The following DNM3 variants were observed in gnomAD, a reference collection of about 807,000 sequenced individuals.
The protein encoded by DNM3 is dynamin-3.
A neutral mutation model predicts 101.6 loss-of-function variants in DNM3; 47 were observed. The observed-to-expected ratio is 0.46, with a 90% CI of 0.37 to 0.59. The LOEUF (loss-of-function observed/expected upper bound fraction) is 0.59. Ranked by LOEUF, DNM3 falls within the 20% of genes least tolerant of loss-of-function variation. The pLI, the probability that DNM3 is intolerant of heterozygous loss-of-function variation, is 0.00. For synonymous variants in DNM3, 385 were observed against 387.9 expected (o/e 0.99, Z 0.09); for missense variants, 849 against 1,085.7 (o/e 0.78, Z 3.06).
chr1:172,127,385 CTTATTATTATTATTA>C (rs60339425), intron 13 of DNM3, among the ~76,000 whole-genome samples: 225 of 137,672 alleles, frequency 1.6e-3, no homozygotes, highest in African/African-American at 5.4e-3. Flanking sequence ...TTACTCTCTA[CTTATTATTATTATTA>C]TTATTATTAT....
At chr1:172,325,200 C>T (rs913142738) in intron 17 of DNM3, among the ~76,000 whole-genome samples, 1 of 152,084 alleles carries the variant, frequency 6.6e-6, no homozygotes, top group Non-Finnish European at 1.5e-5. Context: ...TTTAAAATTA[C>T]GGCTCATTAA....
intron 4 of DNM3, among the ~76,000 whole-genome samples, chr1:172,022,639 C>T (rs1348190304): frequency 6.6e-6 from 1 of 151,932 alleles, no homozygotes; most frequent in East Asian, 1.9e-4. Flanking sequence ...CCTTGCCCAC[C>T]CCTCCTGACT....
intron 14 of DNM3, among the ~76,000 whole-genome samples, chr1:172,234,610 A>G (rs1289147009): frequency 3.3e-5 from 5 of 152,196 alleles, no homozygotes; most frequent in African/African-American, 9.7e-5. Context: ...AGCTGGAGGC[A>G]TCACGCTACC....
intron 5 of DNM3, 34 bp from the exon 6 acceptor site, chr1:172,033,071 G>C (rs910667121): frequency 3.1e-6 from 5 of 1,601,062 alleles, no homozygotes; most frequent in African/African-American, 2.7e-5. Context: ...CACAAAAAGT[G>C]TCCCCAACTC....
At chr1:171,864,000 T>C (rs1369339588) in intron 1 of DNM3, among the ~76,000 whole-genome samples, 1 of 152,242 alleles carries the variant, frequency 6.6e-6, no homozygotes, top group Non-Finnish European at 1.5e-5. Context: ...TTAAAACTTA[T>C]GTGGCTTTCT....
intron 4 of DNM3, among the ~76,000 whole-genome samples, chr1:172,002,493 G>A (rs148046986): frequency 5.3e-5 from 8 of 152,162 alleles, no homozygotes; most frequent in Non-Finnish European, 2.9e-5. Context: ...GCTAAGTCAT[G>A]TTATAATTCA....
chr1:172,232,426 T>A (rs1380264581), intron 14 of DNM3, among the ~76,000 whole-genome samples: 2 of 151,942 alleles, frequency 1.3e-5, no homozygotes, highest in Non-Finnish European at 2.9e-5. Context: ...TAGACTCCCA[T>A]ACAATAATAA....
intron 6 of DNM3, 141 bp downstream of exon 6, chr1:172,033,406 A>G: frequency 1.1e-6 from 1 of 943,238 alleles, no homozygotes; most frequent in Non-Finnish European, 1.5e-6. Flanking sequence ...AAAAATGAAT[A>G]TTAGTACCTC....
rs574447738 is a variant in DNM3 at position 172,240,156 on chromosome 1, A to G, written c.1660-13417A>G. ...TCAAAGAAACTATGTTCCTCTCAGA[A>G]TACACCTCACAGAATCACGTTACTG... On this transcript the variant is annotated intron_variant, in intron 14 of 20. Transcript: ENST00000627582. Among the ~76,000 whole-genome samples the G allele has an allele frequency of 3.3e-5, 5 of 152,238 alleles. No homozygotes were observed. In the South Asian group the frequency reaches 1.0e-3, roughly 32 times the overall value.
At chr1:172,391,245 A>G (rs2069511491) in intron 20 of DNM3, among the ~76,000 whole-genome samples, 1 of 152,128 alleles carries the variant, frequency 6.6e-6, no homozygotes, top group Non-Finnish European at 1.5e-5. Context: ...ATGAAAGTAC[A>G]GGGTAAAAGA....
intron 15 of DNM3, among the ~76,000 whole-genome samples, chr1:172,292,866 C>T (rs1386692895): frequency 2.6e-5 from 4 of 152,088 alleles, no homozygotes; most frequent in Admixed American, 6.5e-5. Flanking sequence ...GACTAATTAA[C>T]ATATGAAAAA....
downstream of DNM3, among the ~76,000 whole-genome samples, chr1:172,415,535 T>TTG (rs754089142): frequency 2.7e-4 from 33 of 122,742 alleles, 1 homozygote; most frequent in African/African-American, 9.2e-4. Context: ...TTTTTTTTTT[T>TTG]TTTTTTTTTT....
At chr1:171,947,175 C>T (rs1284695373) in intron 2 of DNM3, among the ~76,000 whole-genome samples, 1 of 152,146 alleles carries the variant, frequency 6.6e-6, no homozygotes, top group Non-Finnish European at 1.5e-5. Context: ...GAACAGGGAA[C>T]AGATAGCTAT....
rs1035934896 is a variant in DNM3 at position 172,161,222 on chromosome 1, A to G, written c.1659+29934A>G. 3.3e-5 allele frequency among the ~76,000 whole-genome samples: 5 copies of G among 149,874 alleles called. No individual in the cohort carries two copies. In the Admixed American group the frequency reaches 3.3e-4, roughly 10 times the overall value. ...ATGTATATATTTTATAATAATATAT[A>G]TGATCCAGATACAAAGTGGTGCTTG... On this transcript the variant is annotated intron_variant, in intron 14 of 20. Coordinates refer to ENST00000627582, the MANE Select transcript of DNM3 (RefSeq NM_015569.5).
chr1:172,169,407 G>A (rs1391392706), intron 14 of DNM3, among the ~76,000 whole-genome samples: 2 of 151,898 alleles, frequency 1.3e-5, no homozygotes, highest in Admixed American at 1.3e-4. Flanking sequence ...ATGAAATCAT[G>A]AAGAATCCCA....
At chr1:172,125,725 G>T (rs1442682924) in intron 13 of DNM3, among the ~76,000 whole-genome samples, 1 of 152,140 alleles carries the variant, frequency 6.6e-6, no homozygotes, top group Non-Finnish European at 1.5e-5. Flanking sequence ...TTATGGGTTT[G>T]CTTGTTCTTG....
intron 15 of DNM3, among the ~76,000 whole-genome samples, chr1:172,268,249 T>C (rs1296208983): frequency 4.0e-5 from 6 of 148,754 alleles, no homozygotes; most frequent in Non-Finnish European, 7.4e-5. Flanking sequence ...AGGGGCTGGA[T>C]AGGAATACGT....
In DNM3 at chr1:172,410,517, G is replaced by A. The variant is rs1007748869; in HGVS notation, c.*2676G>A. ...GGTAAATATAGTTTTATTGTCACAT[G>A]CTAAATATTGCATGCATATTGACTA... On this transcript the variant is annotated 3_prime_UTR_variant, in exon 21 of 21. Transcript: ENST00000627582. 4 of 983,590 alleles carry A rather than the reference G, an allele frequency of 4.1e-6. No individual in the cohort carries two copies. In the Admixed American group the frequency reaches 1.8e-4, roughly 45 times the overall value. The allele number at this position is 983,590 out of a possible 1,614,324, so 60.9% of individuals were successfully genotyped here. A position where few individuals can be genotyped will look rare whatever the true frequency, so the allele number is the denominator to read the frequency against.
intron 14 of DNM3, among the ~76,000 whole-genome samples, chr1:172,199,835 T>C (rs2148479706): frequency 6.6e-6 from 1 of 152,270 alleles, no homozygotes; most frequent in South Asian, 2.1e-4. Context: ...GACAGCATAC[T>C]ATTAGTTCTT....
Sources: gnomAD v4.1 joint callset for allele counts (sites outside exome capture counted in the v4.1 genomes callset) on GRCh38, gnomAD v4.1.1 for gene constraint, MANE v1.5 for transcripts, NCBI Gene and HGNC (gene_info 2026-07-23, HGNC 2026-07-21) for gene names.